Variants in OLAH observed in about 807,000 individuals in gnomAD.
The protein encoded by OLAH is oleoyl-ACP hydrolase, also known as S-acyl fatty acid synthase thioesterase, medium chain.
In OLAH, 33 loss-of-function variants were observed where a neutral mutation model predicts 27.8. The observed-to-expected ratio is 1.19, with a 90% CI of 0.90 to 1.59. OLAH has a LOEUF of 1.59. OLAH is among the 40% of genes most tolerant of loss of function. The pLI, the probability that OLAH is intolerant of heterozygous loss-of-function variation, is 0.00. For synonymous variants in OLAH, 120 were observed against 102.9 expected (o/e 1.17, Z -1.01); for missense variants, 359 against 310.8 (o/e 1.16, Z -1.17).
At chr10:15,041,131 T>C (rs1010761556), upstream of OLAH, among the ~76,000 whole-genome samples, 1 of 152,214 alleles carries the variant, frequency 6.6e-6, no homozygotes, top group Non-Finnish European at 1.5e-5. Context: ...CAGGCTACTG[T>C]GCTTTTCCCA....
chr10:15,050,916 AG>A (rs1031647153), intron 3 of OLAH, among the ~76,000 whole-genome samples: 2 of 152,010 alleles, frequency 1.3e-5, no homozygotes, highest in African/African-American at 4.8e-5. Context: ...CAAAAATAAA[AG>A]TATTAACTAT....
chr10:15,060,326 C>A (rs561203343), intron 3 of OLAH, among the ~76,000 whole-genome samples: 1 of 152,036 alleles, frequency 6.6e-6, no homozygotes, highest in Admixed American at 6.6e-5. Flanking sequence ...CATGCCACCA[C>A]GCCCAGCCAA....
chr10:15,063,857 T>C (rs1349133418), intron 4 of OLAH, among the ~76,000 whole-genome samples: 1 of 152,256 alleles, frequency 6.6e-6, no homozygotes, highest in Non-Finnish European at 1.5e-5. Context: ...TTTGATACTT[T>C]TGCAAATCTG....
At chr10:15,069,151 G>A (rs1339440279) in intron 6 of OLAH, among the ~76,000 whole-genome samples, 1 of 152,144 alleles carries the variant, frequency 6.6e-6, no homozygotes, top group African/African-American at 2.4e-5. Context: ...GCGTCCCCGT[G>A]CCTGGGTTCT....
intron 1 of OLAH, among the ~76,000 whole-genome samples, chr10:15,046,785 C>A (rs1305582285): frequency 6.6e-6 from 1 of 152,186 alleles, no homozygotes; most frequent in Non-Finnish European, 1.5e-5. Flanking sequence ...AAAGCTAAGA[C>A]ATCTCTGTTG....
At chr10:15,043,068 G>A (rs571674173), upstream of OLAH, among the ~76,000 whole-genome samples, 3 of 151,946 alleles carry the variant, frequency 2.0e-5, no homozygotes, top group East Asian at 1.9e-4. Flanking sequence ...CACCATGTTA[G>A]CCAGGGTGGT....
At chr10:15,057,204 A>G (rs1844262668) in intron 3 of OLAH, among the ~76,000 whole-genome samples, 2 of 152,172 alleles carry the variant, frequency 1.3e-5, no homozygotes, top group African/African-American at 4.8e-5. Flanking sequence ...TATCAATTCT[A>G]AAGTATTTTG....
chr10:15,049,321 A>G (rs552460263), intron 2 of OLAH, among the ~76,000 whole-genome samples: 2 of 152,068 alleles, frequency 1.3e-5, no homozygotes, highest in East Asian at 1.9e-4. Flanking sequence ...TTTTGTTGAC[A>G]TGAGGTCTCA....
chr10:15,064,890 C>T (rs1043628107), intron 5 of OLAH, among the ~76,000 whole-genome samples: 1 of 152,310 alleles, frequency 6.6e-6, no homozygotes, highest in Non-Finnish European at 1.5e-5. Context: ...CTCCTGACCT[C>T]AGGTGATCCA....
At chr10:15,052,300 C>G (rs1392530527) in intron 3 of OLAH, among the ~76,000 whole-genome samples, 1 of 152,010 alleles carries the variant, frequency 6.6e-6, no homozygotes, top group Non-Finnish European at 1.5e-5. Flanking sequence ...TAAATAAAAA[C>G]AATGTGGCTG....
rs757810363 is a variant in OLAH, at chr10:15,073,224, T to G, written c.793T>G (p.Phe265Val). Residue 265 changes from phenylalanine to valine, a missense_variant, in exon 8 of 8, where the codon TTT (phenylalanine) becomes GTT (valine). By Grantham distance (50) the Phe-to-Val change is conservative. Transcript: ENST00000378228. Reference protein sequence around the residue: ...KCLEVSSISNF With the variant: ...KCLEVSSISNV Reference sequence around the variant, plus strand: ...TCTAGAAGTATCATCGATATCCAATTTTTAGATATTTTCCCTTTCACTTTT... The same window carrying G: ...TCTAGAAGTATCATCGATATCCAATGTTTAGATATTTTCCCTTTCACTTTT... 1 of 1,567,026 alleles carries G rather than the reference T, an allele frequency of 6.4e-7. No homozygotes were observed.
At chr10:15,065,811 T>C (rs1844456849) in intron 6 of OLAH, 58 bp downstream of exon 6, 3 of 1,503,096 alleles carry the variant, frequency 2.0e-6, no homozygotes, top group Non-Finnish European at 9.0e-7. Flanking sequence ...TAGAAAAACA[T>C]AGATTGGCAG....
intron 3 of OLAH, 41 bp from the exon 4 acceptor site, chr10:15,061,683 T>C (rs1844366254): frequency 6.7e-7 from 1 of 1,492,528 alleles, no homozygotes; most frequent in African/African-American, 1.4e-5. Flanking sequence ...AATATCTCAT[T>C]CACTGTCTGT....
At chr10:15,047,375 C>T (rs994874127) in intron 2 of OLAH, 55 bp downstream of exon 2, 9 of 1,555,544 alleles carry the variant, frequency 5.8e-6, no homozygotes, top group Non-Finnish European at 7.9e-6. Flanking sequence ...GCTCCGATAC[C>T]CTGCCTTTGT....
intron 3 of OLAH, among the ~76,000 whole-genome samples, chr10:15,052,781 GCCCC>G (rs1844171281): frequency 6.8e-6 from 1 of 147,644 alleles, no homozygotes; most frequent in East Asian, 2.0e-4. Flanking sequence ...CAGGCCCCAG[GCCCC>G]AGGCCGGAGT....
intron 1 of OLAH, chr10:15,032,397 C>T (rs1843771317): frequency 1.3e-5 from 2 of 150,892 alleles, no homozygotes; most frequent in Non-Finnish European, 2.9e-5. Flanking sequence ...ATACATCTAT[C>T]CTATTAGTTC....
At chr10:15,064,327 G>A in intron 4 of OLAH, 76 bp from the exon 5 acceptor site, 2 of 796,718 alleles carry the variant, frequency 2.5e-6, no homozygotes, top group East Asian at 2.6e-5. Flanking sequence ...TTATGATACT[G>A]TTCCTTTTGA....
rs764081489 is a variant in OLAH at position 15,050,539 on chromosome 10, A to ATT, written c.163+793_163+794dup. 6.4e-3 allele frequency among the ~76,000 whole-genome samples: 694 copies of ATT among 109,032 alleles called. 16 individuals are homozygous for ATT. Among genetic ancestry groups the ATT allele is most frequent in the Middle Eastern group, 0.023 (4 of 172 alleles). The allele number at this position is 109,032 out of a possible 152,430, so 71.5% of individuals were successfully genotyped here. The stretch of plus-strand genomic sequence containing the variant: ...CACCTTGGCCTCCCAAAGTGCTAGG[A>ATT]TTTTTTTTTTTTTTTTTTTTGAGAC... On this transcript the variant is annotated intron_variant, in intron 3 of 7. Transcript: ENST00000378228.
intron 2 of OLAH, 90 bp downstream of exon 2, chr10:15,047,410 A>T (rs781732298): frequency 7.7e-7 from 1 of 1,297,298 alleles, no homozygotes; most frequent in Admixed American, 1.9e-5. Flanking sequence ...AGTTTGAAAG[A>T]GGTTTCTCAG....
Sources: gnomAD v4.1 joint callset for allele counts (sites outside exome capture counted in the v4.1 genomes callset) on GRCh38, gnomAD v4.1.1 for gene constraint, MANE v1.5 for transcripts, NCBI Gene and HGNC (gene_info 2026-07-23, HGNC 2026-07-21) for gene names.